MYO10: variants seen among roughly 807,000 people sequenced by gnomAD.
The protein encoded by MYO10 is myosin X.
MYO10 carries 133 observed loss-of-function variants against 257.3 expected under a neutral mutation model. The ratio of observed to expected loss-of-function variants is 0.52; its 90% CI spans 0.45 to 0.60. MYO10 has a LOEUF of 0.60. Ranked by LOEUF, MYO10 falls within the 20% of genes least tolerant of loss-of-function variation. The probability of loss-of-function intolerance (pLI) is 0.00; values close to 1 mark genes in which losing one functional copy is unlikely to be tolerated. For missense variants in MYO10, 2,399 were observed against 2,635.7 expected (o/e 0.91, Z 1.97); for synonymous variants, 1,104 against 1,028.6 (o/e 1.07, Z -1.40).
intron 19 of MYO10, among the ~76,000 whole-genome samples, chr5:16,735,821 T>C (rs1397371588): frequency 1.3e-5 from 2 of 152,200 alleles, no homozygotes; most frequent in African/African-American, 2.4e-5. Context: ...AACTATGATC[T>C]GAGGCTGGTC....
At chr5:16,764,053 T>C (rs1358046185) in intron 12 of MYO10, among the ~76,000 whole-genome samples, 197 bp downstream of exon 12, 6 of 151,272 alleles carry the variant, frequency 4.0e-5, no homozygotes, top group South Asian at 2.1e-4. Context: ...GAGGCTGAGG[T>C]GGGAGAATCA....
chr5:16,927,631 G>A (rs978017090), intron 1 of MYO10, among the ~76,000 whole-genome samples: 56 of 152,090 alleles, frequency 3.7e-4, no homozygotes, highest in African/African-American at 1.2e-3. Context: ...GCCTTTAACT[G>A]CCGTAATTTA....
rs114329354 is a variant in MYO10, at chr5:16,924,284, C to G, written c.21+11504G>C. ...AATTAACAGAAAAGATGGCCTTCTC[C>G]TGGTTCACAGAAGACCTAAAAATGG... On this transcript the variant is annotated intron_variant, in intron 1 of 40. Transcript: ENST00000513610. 8.6e-3 allele frequency among the ~76,000 whole-genome samples: 1,314 copies of G among 152,236 alleles called. 25 individuals carry two copies. Among genetic ancestry groups the G allele is most frequent in the African/African-American group, 0.03 (1,243 of 41,522 alleles).
intron 1 of MYO10, among the ~76,000 whole-genome samples, chr5:16,890,100 C>T (rs1397635108): frequency 1.3e-5 from 2 of 151,868 alleles, no homozygotes; most frequent in Admixed American, 6.6e-5. Context: ...TTTGTCATTT[C>T]TGTTTCATAC....
At chr5:16,729,022 T>C (rs4702169) in intron 19 of MYO10, among the ~76,000 whole-genome samples, 5,297 of 152,282 alleles carry the variant, frequency 0.035, 225 homozygotes, top group East Asian at 0.13. Flanking sequence ...GGTTGCCGAT[T>C]TTTACTGTAT....
At chr5:16,684,318 A>G (rs1367821146) in intron 29 of MYO10, among the ~76,000 whole-genome samples, 1 of 152,128 alleles carries the variant, frequency 6.6e-6, no homozygotes, top group Non-Finnish European at 1.5e-5. Context: ...TCTCAGCTCA[A>G]CGCAACCTCT....
intron 1 of MYO10, among the ~76,000 whole-genome samples, chr5:16,889,482 G>GGAAA (rs1744985660): frequency 5.9e-5 from 1 of 16,840 alleles, no homozygotes; most frequent in South Asian, 1.7e-3. Flanking sequence ...AAAGAAAGAA[G>GGAAA]GAAGGAAGGA....
chr5:16,687,572 G>C (rs114312776), intron 28 of MYO10, among the ~76,000 whole-genome samples: 3 of 151,658 alleles, frequency 2.0e-5, no homozygotes, highest in Middle Eastern at 3.4e-3. Context: ...GTATCCAATG[G>C]CATGTTTAAG....
intron 1 of MYO10, among the ~76,000 whole-genome samples, chr5:16,924,746 C>T (rs1212403984): frequency 6.6e-6 from 1 of 151,022 alleles, no homozygotes; most frequent in Non-Finnish European, 1.5e-5. Flanking sequence ...AAATAAAGTA[C>T]AAATCATGGT....
chr5:16,822,369 G>T (rs1742846570), intron 2 of MYO10, among the ~76,000 whole-genome samples: 1 of 152,196 alleles, frequency 6.6e-6, no homozygotes, highest in Admixed American at 6.5e-5. Flanking sequence ...TGGCTGGTGT[G>T]TTCTAGGCAC....
At chr5:16,784,743 G>C (rs1462472050) in intron 4 of MYO10, among the ~76,000 whole-genome samples, 1 of 152,208 alleles carries the variant, frequency 6.6e-6, no homozygotes, top group African/African-American at 2.4e-5. Flanking sequence ...GGAGTACCAA[G>C]AGCTGGGACG....
At chr5:16,931,896 G>C (rs551752054) in intron 1 of MYO10, among the ~76,000 whole-genome samples, 1 of 152,206 alleles carries the variant, frequency 6.6e-6, no homozygotes, top group African/African-American at 2.4e-5. Context: ...AACAAGAAAA[G>C]ATGTCAATAG....
At chr5:16,934,541 T>C (rs1248942126) in intron 1 of MYO10, among the ~76,000 whole-genome samples, 1 of 152,220 alleles carries the variant, frequency 6.6e-6, no homozygotes, top group East Asian at 1.9e-4. Context: ...CAAAAGTCTA[T>C]GGACTAGAAA....
intron 1 of MYO10, among the ~76,000 whole-genome samples, chr5:16,910,506 A>G (rs2126791648): frequency 6.6e-6 from 1 of 152,332 alleles, no homozygotes; most frequent in East Asian, 1.9e-4. Context: ...CCACGTGAAA[A>G]TGATGTGAAA....
intron 19 of MYO10, among the ~76,000 whole-genome samples, chr5:16,736,882 G>C (rs1404804325): frequency 6.6e-6 from 1 of 152,088 alleles, no homozygotes; most frequent in Non-Finnish European, 1.5e-5. Context: ...TTTTAGCTCA[G>C]CAAAATTTGT....
intron 33 of MYO10, among the ~76,000 whole-genome samples, chr5:16,678,199 T>C (rs1425926398): frequency 1.3e-5 from 2 of 152,202 alleles, no homozygotes; most frequent in African/African-American, 4.8e-5. Context: ...AAAAATAAAT[T>C]TTTTAAGGCT....
chr5:16,733,653 A>G (rs1449275678), intron 19 of MYO10, among the ~76,000 whole-genome samples: 4 of 152,232 alleles, frequency 2.6e-5, no homozygotes, highest in Non-Finnish European at 5.9e-5. Context: ...CCTGAAAGTC[A>G]TAATGGGAAA....
At position 16,766,127 on chromosome 5, in the gene MYO10, T is replaced by C. The variant is rs781379832; in HGVS notation, c.1132A>G (p.Met378Val). ...AGGATCTCTTCTCCCCTGAGGAACA[T>C]TGATCTCTGGGTCAAAGCATCTGTG... ...QLTDALTQRS[M>V]FLRGEEILTP... Residue 378 changes from methionine to valine, a missense_variant, in exon 11 of 41, where the codon ATG becomes GTG. Coordinates refer to ENST00000513610, the MANE Select transcript of MYO10 (RefSeq NM_012334.3). 1.3e-5 allele frequency: 21 copies of C among 1,613,744 alleles called. No homozygotes were observed. Among genetic ancestry groups the C allele is most frequent in the Admixed American group, 5.0e-5 (3 of 59,986 alleles).
chr5:16,913,821 A>G (rs574649933), intron 1 of MYO10, among the ~76,000 whole-genome samples: 33 of 152,332 alleles, frequency 2.2e-4, no homozygotes, highest in South Asian at 6.2e-4. Flanking sequence ...GGCAAAGACT[A>G]GACCACCATG....
Sources: allele counts gnomAD v4.1 joint callset (sites outside exome capture counted in the v4.1 genomes callset), GRCh38; gene constraint gnomAD v4.1.1; transcripts MANE v1.5; gene names NCBI Gene and HGNC (gene_info 2026-07-23, HGNC 2026-07-21).